APOA1: variants seen among roughly 807,000 people sequenced by gnomAD.
APOA1 encodes apolipoprotein A-I.
Under a neutral mutation model 25.9 loss-of-function variants are expected in APOA1, and 22 were observed. That is an observed-to-expected ratio of 0.85 (90% confidence interval 0.61 to 1.21). APOA1 has a LOEUF of 1.21. Among genes scored for constraint, APOA1 ranks in the 50% most tolerant of loss-of-function variants. APOA1 has a pLI of 0.00. For missense variants in APOA1, 351 were observed against 347.9 expected, an observed-to-expected ratio of 1.01 and a Z score of -0.07; for synonymous variants, 163 against 152.2, an observed-to-expected ratio of 1.07 and a Z score of -0.52.
chr11:116,836,035 C>T lies in APOA1; in HGVS notation c.577G>A (p.Glu193Lys), dbSNP rs746067683. ...LRTHLAPYSD[E>K]LRQRLAARLE... is the part of the protein sequence containing the mutation. The stretch of plus-strand genomic sequence containing the variant: ...CGCGCGGCCAAGCGCTGGCGCAGCT[C>T]GTCGCTGTAGGGGGCCAGATGCGTG... Residue 193 changes from glutamate (E) to lysine (K), a missense_variant, in exon 4 of 4, where the codon GAG becomes AAG. Coordinates refer to ENST00000236850, the MANE Select transcript of APOA1 (RefSeq NM_000039.3). 4.4e-6 allele frequency: 7 copies of T among 1,606,262 alleles called. No individual in the cohort carries two copies. In the Admixed American group the frequency reaches 6.7e-5, roughly 15 times the overall value.
At chr11:116,837,311 C>CG (rs1941580021) in intron 2 of APOA1, 34 bp downstream of exon 2, 1 of 1,579,328 alleles carries the variant, frequency 6.3e-7, no homozygotes, top group African/African-American at 1.3e-5. Flanking sequence ...GAAAGCCCCC[C>CG]GATGGTTGGC....
At position 116,836,396 on chromosome 11, in the gene APOA1, G is replaced by A; in HGVS notation, c.216C>T (p.Asp72=). The change falls in exon 4 of 4, where the codon GAC becomes GAT. Residue 72 remains aspartate (D), a synonymous_variant. Coordinates refer to ENST00000236850, the MANE Select transcript of APOA1 (RefSeq NM_000039.3). The stretch of plus-strand genomic sequence containing the variant: ...AGGTGGAGGTCACGCTGTCCCAGTT[G>A]TCAAGGAGCTTTAGGCTGGAGGGTG... ...LGKQLNLKLL[D]NWDSVTSTFS... The A allele has an allele frequency of 6.2e-7, 1 of 1,613,956 alleles. No homozygotes were observed. The highest frequency in any genetic ancestry group is 8.5e-7 in the Non-Finnish European group (1 of 1,180,048).
chr11:116,836,982 C>T lies in APOA1; in HGVS notation c.200+19G>A, dbSNP rs377408912. ...CTCTGCCCCCTACCCCTGCCCTCAA[C>T]CCCAGGCTGGGTCCTTACTTTAGCT... On this transcript the variant is annotated intron_variant, in intron 3 of 3. Coordinates refer to ENST00000236850, the MANE Select transcript of APOA1 (RefSeq NM_000039.3). 2.7e-5 allele frequency: 44 copies of T among 1,613,746 alleles called. 1 individual carries two copies. The East Asian group carries it at 3.8e-4, about 14-fold the overall frequency.
rs774753857 is a variant in APOA1, at chr11:116,837,083, T to C, written c.118A>G (p.Thr40Ala). The C allele has an allele frequency of 6.2e-7, 1 of 1,614,108 alleles. No homozygotes were observed. The highest frequency in any genetic ancestry group is 8.5e-7 in the Non-Finnish European group (1 of 1,180,030). Reference sequence around the variant, plus strand: ...TCTTTGAGCACATCCACGTACACAGTGGCCAGGTCCTTCACTCGATCCCAG... The same window carrying C: ...TCTTTGAGCACATCCACGTACACAGCGGCCAGGTCCTTCACTCGATCCCAG... ...SPWDRVKDLATVYVDVLKDSG... is the reference protein window; with the variant it reads ...SPWDRVKDLAAVYVDVLKDSG... The change falls in exon 3 of 4, where the codon ACT (threonine) becomes GCT (alanine). Residue 40 changes from threonine (T) to alanine (A), a missense_variant. By Grantham distance (58) the Thr-to-Ala change is moderately conservative. Coordinates refer to ENST00000236850, the MANE Select transcript of APOA1 (RefSeq NM_000039.3).
Position 116,836,017 on chromosome 11 carries a change from C to G in APOA1, c.595G>C (p.Ala199Pro), listed in dbSNP as rs121912730. 1 of 1,607,202 alleles carries G rather than the reference C, an allele frequency of 6.2e-7. No homozygotes were observed. The highest frequency in any genetic ancestry group is 8.5e-7 in the Non-Finnish European group (1 of 1,179,668). The change falls in exon 4 of 4, where the codon GCC (alanine) becomes CCC (proline). Residue 199 changes from alanine (A) to proline (P), a missense_variant. Coordinates refer to ENST00000236850, the MANE Select transcript of APOA1 (RefSeq NM_000039.3). Reference protein sequence around the residue: ...PYSDELRQRLAARLEALKENG... With the variant: ...PYSDELRQRLPARLEALKENG... ...TCCTTGAGAGCCTCAAGGCGCGCGG[C>G]CAAGCGCTGGCGCAGCTCGTCGCTG...
intron 1 of APOA1, 75 bp downstream of exon 1, chr11:116,837,530 A>T: frequency 2.9e-6 from 3 of 1,052,438 alleles, no homozygotes; most frequent in Non-Finnish European, 4.2e-6. Context: ...TCAGGTACCC[A>T]GAGGCCCGGC....
In APOA1 at chr11:116,837,403, G is replaced by T; in HGVS notation, c.-16C>A. On this transcript the variant is annotated 5_prime_UTR_variant, in exon 2 of 4. Coordinates refer to ENST00000236850, the MANE Select transcript of APOA1 (RefSeq NM_000039.3). Reference sequence around the variant, plus strand: ...CAGCTTTCATCCTGAAGGGCCGTGGGGGACCTGGAGGAGAAGAAGGGCCTG... The same window carrying T: ...CAGCTTTCATCCTGAAGGGCCGTGGTGGACCTGGAGGAGAAGAAGGGCCTG... The T allele has an allele frequency of 6.4e-7, 1 of 1,555,288 alleles. No homozygotes were observed. The highest frequency in any genetic ancestry group is 8.7e-7 in the Non-Finnish European group (1 of 1,148,956).
At chr11:116,836,973 T>A (rs758319460) in intron 3 of APOA1, 28 bp downstream of exon 3, 1 of 1,613,322 alleles carries the variant, frequency 6.2e-7, no homozygotes, top group Non-Finnish European at 8.5e-7. Flanking sequence ...CCCCTACCCC[T>A]GCCCTCAACC....
At position 116,837,166 on chromosome 11, in the gene APOA1, G is replaced by C. The variant is rs1358368948; in HGVS notation, c.44-9C>G. On this transcript the variant is annotated splice_polypyrimidine_tract_variant and intron_variant, in intron 2 of 3. Coordinates refer to ENST00000236850, the MANE Select transcript of APOA1 (RefSeq NM_000039.3). ...ATGCCGAGCCTGGCTCCCTGAGGGT[G>C]GGAGGGGAGACCCAGATCAGGCCAG... The C allele has an allele frequency of 3.1e-6, 5 of 1,610,504 alleles. No homozygotes were observed. The South Asian group carries it at 5.5e-5, about 18-fold the overall frequency.
In APOA1 at chr11:116,836,093, G is replaced by A. The variant is rs1941538406; in HGVS notation, c.519C>T (p.Arg173=). 2 of 1,607,696 alleles carry A rather than the reference G, an allele frequency of 1.2e-6. No homozygotes were observed. The highest frequency in any genetic ancestry group is 1.7e-5 in the Admixed American group (1 of 59,794). The change falls in exon 4 of 4, where the codon CGC becomes CGT. Residue 173 remains arginine (R), a synonymous_variant. Coordinates refer to ENST00000236850, the MANE Select transcript of APOA1 (RefSeq NM_000039.3). The part of the protein sequence containing the change: ...EKLSPLGEEM[R]DRARAHVDAL... ...CGTCCACATGGGCGCGCGCGCGGTCGCGCATCTCCTCGCCCAGTGGGCTCA... is the reference window on the plus strand; with the variant it reads ...CGTCCACATGGGCGCGCGCGCGGTCACGCATCTCCTCGCCCAGTGGGCTCA...
chr11:116,835,831 T>A lies in APOA1; in HGVS notation c.781A>T (p.Thr261Ser), dbSNP rs143430381. 6.2e-7 allele frequency: 1 copy of A among 1,613,088 alleles called. No individual in the cohort carries two copies. Among genetic ancestry groups the A allele is most frequent in the Admixed American group, 1.7e-5 (1 of 60,030 alleles). The part of the protein sequence containing the change: ...VSFLSALEEY[T>S]KKLNTQ ...CCTCACTGGGTGTTGAGCTTCTTAG[T>A]GTACTCCTCGAGAGCGCTCAGGAAG... is the stretch of plus-strand genomic sequence containing the variant. The change falls in exon 4 of 4, where the codon ACT becomes TCT. Residue 261 changes from threonine (T) to serine (S), a missense_variant. Physicochemically the swap from Thr to Ser is moderately conservative, Grantham distance 58 (BLOSUM62 1). Transcript: ENST00000236850.
In APOA1 at chr11:116,837,106, C is replaced by T; in HGVS notation, c.95G>A (p.Trp32Ter). ...AGTGGCCAGGTCCTTCACTCGATCC[C>T]AGGGGCTCTGGGGGGGTTCATCTTG... ...WQQDEPPQSP[W>*]DRVKDLATVY... Residue 32 changes from tryptophan to a stop codon, truncating the protein, a stop_gained, in exon 3 of 4, where the codon TGG becomes TAG. Transcript: ENST00000236850. LOFTEE classifies it high-confidence loss of function. 1 of 1,614,028 alleles carries T rather than the reference C, an allele frequency of 6.2e-7. No homozygotes were observed. The highest frequency in any genetic ancestry group is 2.2e-5 in the East Asian group (1 of 44,876).
Position 116,837,119 on chromosome 11 carries a change from G to A in APOA1, c.82C>T (p.Pro28Ser), listed in dbSNP as rs751415951. The change falls in exon 3 of 4, where the codon CCC becomes TCC. Residue 28 changes from proline to serine, a missense_variant. Pro to Ser is a moderately conservative substitution (Grantham distance 74). Coordinates refer to ENST00000236850, the MANE Select transcript of APOA1 (RefSeq NM_000039.3). ...ARHFWQQDEP[P>S]QSPWDRVKDL... is the part of the protein sequence containing the mutation. ...TTCACTCGATCCCAGGGGCTCTGGG[G>A]GGGTTCATCTTGCTGCCAGAAATGC... 2.5e-6 allele frequency: 4 copies of A among 1,613,566 alleles called. No homozygotes were observed. The highest frequency in any genetic ancestry group is 1.1e-5 in the South Asian group (1 of 91,088).
In APOA1 at chr11:116,837,115, TG is replaced by T. The variant is rs753348565; in HGVS notation, c.85del (p.Gln29ArgfsTer7). On this transcript the variant is annotated frameshift_variant, in exon 3 of 4. Coordinates refer to ENST00000236850, the MANE Select transcript of APOA1 (RefSeq NM_000039.3). LOFTEE classifies it high-confidence loss of function. Reference protein sequence around the residue: ...RHFWQQDEPPQSPWDRVKDLA... With the variant: ...RHFWQQDEPPXSPWDRVKDLA... ...GTCCTTCACTCGATCCCAGGGGCTC[TG>T]GGGGGGTTCATCTTGCTGCCAGAAA... is the stretch of plus-strand genomic sequence containing the variant. The T allele has an allele frequency of 2.5e-6, 4 of 1,613,696 alleles. No individual in the cohort carries two copies. The highest frequency in any genetic ancestry group is 8.5e-7 in the Non-Finnish European group (1 of 1,179,816).
Position 116,835,760 on chromosome 11 carries a change from T to G in APOA1, c.*48A>C, listed in dbSNP as rs752550293. 8 of 1,611,968 alleles carry G rather than the reference T, an allele frequency of 5.0e-6. No homozygotes were observed. The highest frequency in any genetic ancestry group is 2.2e-5 in the South Asian group (2 of 90,818). On this transcript the variant is annotated 3_prime_UTR_variant, in exon 4 of 4. Coordinates refer to ENST00000236850, the MANE Select transcript of APOA1 (RefSeq NM_000039.3). ...AAAAGAAAGAAGCTGCTTCCCACTTTGGAAACGTTTATTCTGAGCACCGGG... is the reference window on the plus strand; with the variant it reads ...AAAAGAAAGAAGCTGCTTCCCACTTGGGAAACGTTTATTCTGAGCACCGGG...
intron 1 of APOA1, 65 bp from the exon 2 acceptor site, chr11:116,837,472 C>G (rs775368021): frequency 1.1e-5 from 17 of 1,481,914 alleles, no homozygotes; most frequent in Admixed American, 9.8e-5. Context: ...CGTGCTCCCC[C>G]ACTCATTGCA....
In APOA1 at chr11:116,836,385, C is replaced by G; in HGVS notation, c.227G>C (p.Ser76Thr). 1.2e-6 allele frequency: 2 copies of G among 1,614,070 alleles called. No homozygotes were observed. The highest frequency in any genetic ancestry group is 1.7e-6 in the Non-Finnish European group (2 of 1,180,036). ...LNLKLLDNWDSVTSTFSKLRE... is the reference protein window; with the variant it reads ...LNLKLLDNWDTVTSTFSKLRE... ...CAGCTTGCTGAAGGTGGAGGTCACG[C>G]TGTCCCAGTTGTCAAGGAGCTTTAG... Residue 76 changes from serine to threonine, a missense_variant, in exon 4 of 4, where the codon AGC (serine) becomes ACC (threonine). Transcript: ENST00000236850.
At position 116,837,377 on chromosome 11, in the gene APOA1, G is replaced by A. The variant is rs1265273561; in HGVS notation, c.11C>T (p.Ala4Val). Residue 4 changes from alanine (A) to valine (V), a missense_variant, in exon 2 of 4, where the codon GCG becomes GTG. Coordinates refer to ENST00000236850, the MANE Select transcript of APOA1 (RefSeq NM_000039.3). ...GAAGAGCACGGCCAAGGTCAGCACC[G>A]CAGCTTTCATCCTGAAGGGCCGTGG... MKA[A>V]VLTLAVLFLT... is the part of the protein sequence containing the mutation. 2.6e-6 allele frequency: 4 copies of A among 1,561,064 alleles called. No homozygotes were observed. Among genetic ancestry groups the A allele is most frequent in the Middle Eastern group, 1.7e-4 (1 of 6,002 alleles).
Position 116,835,788 on chromosome 11 carries a change from G to C in APOA1, c.*20C>G, listed in dbSNP as rs374923795. Reference sequence around the variant, plus strand: ...AAACGTTTATTCTGAGCACCGGGAAGGGGGGCGGCGGCGGGCGCCTCACTG... The same window carrying C: ...AAACGTTTATTCTGAGCACCGGGAACGGGGGCGGCGGCGGGCGCCTCACTG... On this transcript the variant is annotated 3_prime_UTR_variant, in exon 4 of 4. Transcript: ENST00000236850. The C allele has an allele frequency of 6.4e-5, 104 of 1,612,868 alleles. 2 individuals carry two copies. In the Middle Eastern group the frequency reaches 1.3e-3, roughly 20 times the overall value.
Sources: gnomAD v4.1 joint callset for allele counts on GRCh38, gnomAD v4.1.1 for gene constraint, MANE v1.5 for transcripts, NCBI Gene and HGNC (gene_info 2026-07-23, HGNC 2026-07-21) for gene names.